The following OTC variants were observed in gnomAD, a reference collection of about 807,000 sequenced individuals.
The protein encoded by OTC is ornithine transcarbamylase, also known as ornithine transcarbamylase, mitochondrial.
Under a neutral mutation model 30.3 loss-of-function variants are expected in OTC, and 3 were observed. The observed-to-expected ratio is 0.10, with a 90% CI of 0.05 to 0.26. The LOEUF (loss-of-function observed/expected upper bound fraction) is 0.26, where lower values mean the gene tolerates loss of function less well. Among genes scored for constraint, OTC ranks in the 10% least tolerant of loss-of-function variants. OTC has a pLI of 1.00. For synonymous variants in OTC, 111 were observed against 99.7 expected (o/e 1.11, Z -0.67); for missense variants, 194 against 260.3 (o/e 0.75, Z 1.75).
chrX:38,333,929 T>C, the OTC span, among the ~76,000 whole-genome samples: 1 of 112,496 alleles, frequency 8.9e-6, no homozygotes, highest in Non-Finnish European at 1.9e-5. Context: ...CTAGGATATA[T>C]GATTTGAGGA....
intron 4 of OTC, among the ~76,000 whole-genome samples, chrX:38,394,858 C>T (rs767861819): frequency 4.7e-5 from 5 of 107,165 alleles, no homozygotes; most frequent in Admixed American, 2.0e-4. Flanking sequence ...AATGTACATA[C>T]GGCTGACTTT....
chrX:38,376,303 T>A (rs1327579278), intron 3 of OTC, among the ~76,000 whole-genome samples: 2 of 112,059 alleles, frequency 1.8e-5, no homozygotes, highest in Non-Finnish European at 3.8e-5. Flanking sequence ...GTATCTGTTT[T>A]TAAATAATGT....
intron 5 of OTC, 48 bp downstream of exon 5, chrX:38,401,476 T>G (rs1163619791): frequency 9.8e-7 from 1 of 1,017,733 alleles, no homozygotes; most frequent in Non-Finnish European, 1.4e-6. Context: ...AAATAATTCC[T>G]GACTTGCTTT....
intron 4 of OTC, among the ~76,000 whole-genome samples, chrX:38,399,691 G>A (rs1408115646): frequency 2.7e-5 from 3 of 110,998 alleles, no homozygotes; most frequent in African/African-American, 9.9e-5. Context: ...GGGTTGCAGT[G>A]AGTTGAGATC....
intron 9 of OTC, among the ~76,000 whole-genome samples, chrX:38,420,402 G>A (rs1266028557): frequency 9.0e-6 from 1 of 111,358 alleles, no homozygotes; most frequent in African/African-American, 3.3e-5. Flanking sequence ...CTAATACCTA[G>A]TAAGCACTCA....
chrX:38,352,572 G>A, upstream of OTC: 1 of 539,917 alleles, frequency 1.9e-6, no homozygotes, highest in East Asian at 3.7e-5. Context: ...AAGCTGAAGG[G>A]TGATATTACC....
Position 38,409,020 on chromosome X carries a change from A to G in OTC, c.862A>G (p.Met288Val), listed in dbSNP as rs1569280849. The G allele has an allele frequency of 1.7e-6, 2 of 1,211,235 alleles. No individual in the cohort carries two copies. Among genetic ancestry groups the G allele is most frequent in the Non-Finnish European group, 2.2e-6 (2 of 894,987 alleles). Residue 288 changes from methionine (M) to valine (V), a missense_variant, in exon 8 of 10, where the codon ATG becomes GTG. Met to Val is a conservative substitution (Grantham distance 21). Transcript: ENST00000039007. ...LQAFQGYQVT[M>V]KTAKVAASDW... ...GGCTTTCCAAGGTTACCAGGTTACAATGAAGGTACAAATTGATGCCTCTCT... is the reference window on the plus strand; with the variant it reads ...GGCTTTCCAAGGTTACCAGGTTACAGTGAAGGTACAAATTGATGCCTCTCT...
At chrX:38,383,449 T>C (rs2068386267) in intron 4 of OTC, among the ~76,000 whole-genome samples, 1 of 111,925 alleles carries the variant, frequency 8.9e-6, no homozygotes. Context: ...GTTGTTTTGA[T>C]TACCCCATAA....
intron 9 of OTC, 51 bp from the exon 10 acceptor site, chrX:38,420,972 A>T: frequency 1.1e-6 from 1 of 942,871 alleles, no homozygotes; most frequent in Non-Finnish European, 1.5e-6. Context: ...GTCCCTAAGC[A>T]GACTGTCGCT....
intron 2 of OTC, among the ~76,000 whole-genome samples, chrX:38,368,386 T>C (rs1048826228): frequency 9.0e-6 from 1 of 110,941 alleles, no homozygotes; most frequent in Non-Finnish European, 1.9e-5. Context: ...ATCCTTTTTT[T>C]CCAAGTGACA....
At chrX:38,357,020 A>G (rs1035073297) in intron 1 of OTC, among the ~76,000 whole-genome samples, 2 of 111,496 alleles carry the variant, frequency 1.8e-5, no homozygotes, top group African/African-American at 6.5e-5. Context: ...TGAGAAGGAA[A>G]GAAAGGGATA....
chrX:38,365,277 G>C (rs772179677), intron 1 of OTC, among the ~76,000 whole-genome samples: 1 of 113,125 alleles, frequency 8.8e-6, no homozygotes, highest in South Asian at 3.6e-4. Context: ...ACCAATTATT[G>C]TTAAACACAG....
At chrX:38,410,685 G>A (rs908511963) in intron 8 of OTC, among the ~76,000 whole-genome samples, 2 of 111,781 alleles carry the variant, frequency 1.8e-5, no homozygotes, top group Non-Finnish European at 3.8e-5. Flanking sequence ...TTTTCATGGA[G>A]ATATTTTAAA....
chrX:38,380,189 G>A (rs761189592), intron 3 of OTC, among the ~76,000 whole-genome samples: 10 of 111,597 alleles, frequency 9.0e-5, no homozygotes, highest in Non-Finnish European at 1.9e-4. Flanking sequence ...ACTGTGTTAA[G>A]GCTTCAGTAG....
At chrX:38,369,339 A>G (rs1237394010) in intron 2 of OTC, among the ~76,000 whole-genome samples, 1 of 103,697 alleles carries the variant, frequency 9.6e-6, no homozygotes, top group Non-Finnish European at 2.0e-5. Flanking sequence ...ACATAAAAAA[A>G]CATTTTAAAT....
the OTC span, among the ~76,000 whole-genome samples, chrX:38,334,674 A>G: frequency 8.9e-6 from 1 of 112,393 alleles, no homozygotes; most frequent in Non-Finnish European, 1.9e-5. Flanking sequence ...ACAAAAAACA[A>G]AAGATTTTAA....
intron 1 of OTC, among the ~76,000 whole-genome samples, chrX:38,353,509 C>G (rs2068227717): frequency 1.8e-5 from 2 of 111,642 alleles, no homozygotes; most frequent in Non-Finnish European, 3.8e-5. Flanking sequence ...AATAATGAGA[C>G]AGAATTTCTT....
At chrX:38,416,254 A>C (rs1234036577) in intron 9 of OTC, among the ~76,000 whole-genome samples, 2 of 111,561 alleles carry the variant, frequency 1.8e-5, no homozygotes, top group Non-Finnish European at 3.8e-5. Flanking sequence ...CCATGCTAAG[A>C]GATTTCCAGT....
chrX:38,405,770 C>T (rs997176386), intron 6 of OTC, among the ~76,000 whole-genome samples: 3 of 111,434 alleles, frequency 2.7e-5, no homozygotes, highest in East Asian at 2.8e-4. Flanking sequence ...GGGTCAGATC[C>T]GATATGTGCT....
Sources: allele counts gnomAD v4.1 joint callset (sites outside exome capture counted in the v4.1 genomes callset), GRCh38; gene constraint gnomAD v4.1.1; transcripts MANE v1.5; gene names NCBI Gene and HGNC (gene_info 2026-07-23, HGNC 2026-07-21).